The following PALLD variants were observed in gnomAD, a reference collection of about 807,000 sequenced individuals.
The protein encoded by PALLD is palladin.
PALLD carries 61 observed loss-of-function variants against 123.5 expected under a neutral mutation model. The ratio of observed to expected loss-of-function variants is 0.49; its 90% CI spans 0.40 to 0.61. The LOEUF is 0.61. PALLD is among the 20% of genes least tolerant of loss of function. The probability of loss-of-function intolerance (pLI) is 0.00; values close to 1 mark genes in which losing one functional copy is unlikely to be tolerated. For synonymous variants in PALLD, 465 were observed against 496.4 expected (o/e 0.94, Z 0.84); for missense variants, 1,273 against 1,377.0 (o/e 0.92, Z 1.20).
chr4:168,730,806 A>C (rs1787096568), intron 10 of PALLD, among the ~76,000 whole-genome samples: 1 of 152,112 alleles, frequency 6.6e-6, no homozygotes, highest in Non-Finnish European at 1.5e-5. Flanking sequence ...GTTGGCTTTT[A>C]TCATTTAGTA....
intron 2 of PALLD, among the ~76,000 whole-genome samples, chr4:168,661,738 C>T (rs748377590): frequency 2.6e-5 from 4 of 152,086 alleles, no homozygotes; most frequent in Middle Eastern, 6.4e-3. Context: ...TGTGTCTATC[C>T]ATAGATACAT....
intron 2 of PALLD, among the ~76,000 whole-genome samples, chr4:168,642,447 G>T (rs189415117): frequency 3.3e-5 from 5 of 152,112 alleles, no homozygotes; most frequent in Non-Finnish European, 5.9e-5. Context: ...TTTTGCCCAG[G>T]CTGGAGTGAA....
chr4:168,852,102 C>T (rs1016022022), intron 10 of PALLD, among the ~76,000 whole-genome samples: 2 of 152,172 alleles, frequency 1.3e-5, no homozygotes, highest in East Asian at 1.9e-4. Context: ...CGTAGCACAC[C>T]CCTTGCCCCA....
intron 4 of PALLD, among the ~76,000 whole-genome samples, chr4:168,682,324 A>G (rs1353069971): frequency 6.6e-6 from 1 of 152,200 alleles, no homozygotes; most frequent in African/African-American, 2.4e-5. Flanking sequence ...ATAATCAGTG[A>G]TGCTTAAAGG....
chr4:168,847,420 G>A (rs1446400083), intron 10 of PALLD, among the ~76,000 whole-genome samples: 2 of 152,112 alleles, frequency 1.3e-5, no homozygotes, highest in South Asian at 2.1e-4. Flanking sequence ...ATGATACATC[G>A]TTGAAAGATA....
At chr4:168,921,322 G>C (rs181568026) in intron 17 of PALLD, among the ~76,000 whole-genome samples, 12 of 144,298 alleles carry the variant, frequency 8.3e-5, no homozygotes, top group Admixed American at 6.7e-4. Flanking sequence ...CAGGAGAATC[G>C]CTTGAACCCG....
intron 2 of PALLD, among the ~76,000 whole-genome samples, chr4:168,640,672 T>C (rs1776848851): frequency 6.6e-6 from 1 of 152,240 alleles, no homozygotes; most frequent in East Asian, 1.9e-4. Context: ...ATGTGATAAT[T>C]ATGAATATTT....
At chr4:168,720,682 C>A (rs1785918709) in intron 10 of PALLD, among the ~76,000 whole-genome samples, 1 of 152,082 alleles carries the variant, frequency 6.6e-6, no homozygotes, top group South Asian at 2.1e-4. Context: ...TCTCTCACTC[C>A]CAGTCTTAGA....
intron 14 of PALLD, 69 bp from the exon 15 acceptor site, chr4:168,903,688 A>AT: frequency 1.5e-6 from 2 of 1,301,150 alleles, no homozygotes; most frequent in Non-Finnish European, 2.2e-6. Context: ...CACTGTTACT[A>AT]TTTTCAGTTC....
intron 10 of PALLD, among the ~76,000 whole-genome samples, chr4:168,883,245 G>A (rs1047423071): frequency 6.6e-6 from 1 of 152,034 alleles, no homozygotes; most frequent in African/African-American, 2.4e-5. Context: ...AACAGCCTTT[G>A]CTTTACCGTA....
intron 2 of PALLD, among the ~76,000 whole-genome samples, chr4:168,602,860 G>A (rs1488151889): frequency 6.6e-6 from 1 of 151,890 alleles, no homozygotes. Context: ...CGACCTCCCA[G>A]GCTCAAGCAA....
chr4:168,531,754 A>T (rs17054304), intron 2 of PALLD, among the ~76,000 whole-genome samples: 1 of 151,928 alleles, frequency 6.6e-6, no homozygotes, highest in Non-Finnish European at 1.5e-5. Flanking sequence ...GGTATTGGCC[A>T]CCAGGTCAAC....
At chr4:168,863,243 G>A (rs531190822) in intron 10 of PALLD, among the ~76,000 whole-genome samples, 12 of 152,250 alleles carry the variant, frequency 7.9e-5, no homozygotes, top group South Asian at 6.2e-4. Context: ...GTACTGGGGA[G>A]AACTCAGAGA....
chr4:168,560,258 T>C (rs1210173030), intron 2 of PALLD, among the ~76,000 whole-genome samples: 1 of 152,198 alleles, frequency 6.6e-6, no homozygotes, highest in Non-Finnish European at 1.5e-5. Context: ...ACAAGAAAAC[T>C]GTCTCATTCT....
At chr4:168,676,801 G>A (rs1780895679) in intron 3 of PALLD, among the ~76,000 whole-genome samples, 1 of 151,278 alleles carries the variant, frequency 6.6e-6, no homozygotes, top group African/African-American at 2.4e-5. Context: ...GGATGGTCTC[G>A]ATCTCCTGAC....
At chr4:168,679,865 A>G (rs1343000673) in intron 3 of PALLD, among the ~76,000 whole-genome samples, 1 of 152,076 alleles carries the variant, frequency 6.6e-6, no homozygotes, top group Non-Finnish European at 1.5e-5. Context: ...TGGGAAGACA[A>G]GAATGGATTG....
rs1732448084 is a variant in PALLD, at chr4:168,759,205, ATATATATATAT to A, written c.1964+47283_1964+47293del. 1.2e-3 allele frequency among the ~76,000 whole-genome samples: 56 copies of A among 45,240 alleles called. 7 individuals are homozygous for A. Among genetic ancestry groups the A allele is most frequent in the African/African-American group, 2.5e-3 (18 of 7,294 alleles). The allele number at this position is 45,240 out of a possible 152,430, so 29.7% of individuals were successfully genotyped here. A position where few individuals can be genotyped will look rare whatever the true frequency, so the allele number is the denominator to read the frequency against. ...AAAAAAAAAAAAAAAAAAAAAAAAT[ATATATATATAT>A]ATATATATATATATATATATATATA... On this transcript the variant is annotated intron_variant, in intron 10 of 21. Transcript: ENST00000505667.
chr4:168,757,977 A>G (rs1732130723), intron 10 of PALLD, among the ~76,000 whole-genome samples: 1 of 152,230 alleles, frequency 6.6e-6, no homozygotes, highest in South Asian at 2.1e-4. Context: ...AGGCTGAGGC[A>G]GGAGAGTCGC....
At chr4:168,688,217 C>T (rs1209613622) in intron 6 of PALLD, among the ~76,000 whole-genome samples, 1 of 152,214 alleles carries the variant, frequency 6.6e-6, no homozygotes, top group Non-Finnish European at 1.5e-5. Flanking sequence ...ACTGGGCTTT[C>T]TCTTAGGCAT....
Sources: gnomAD v4.1 joint callset for allele counts (sites outside exome capture counted in the v4.1 genomes callset) on GRCh38, gnomAD v4.1.1 for gene constraint, MANE v1.5 for transcripts, NCBI Gene and HGNC (gene_info 2026-07-23, HGNC 2026-07-21) for gene names.